The following KCNE2 variants were observed in gnomAD, a reference collection of about 807,000 sequenced individuals.
KCNE2 encodes potassium voltage-gated channel subfamily E member 2.
KCNE2 carries 4 observed loss-of-function variants against 4.5 expected under a neutral mutation model. The ratio of observed to expected loss-of-function variants is 0.89; its 90% CI spans 0.44 to 2.03. The LOEUF (loss-of-function observed/expected upper bound fraction) is 2.03, where lower values mean the gene tolerates loss of function less well. KCNE2 is among the 30% of genes most tolerant of loss of function. The probability of loss-of-function intolerance (pLI) is 0.03; values close to 1 mark genes in which losing one functional copy is unlikely to be tolerated. For missense variants in KCNE2, 137 were observed against 151.4 expected, an observed-to-expected ratio of 0.90 and a Z score of 0.50; for synonymous variants, 57 against 55.9, an observed-to-expected ratio of 1.02 and a Z score of -0.09.
chr21:34,366,927 C>G (rs1393491882), intron 1 of KCNE2, among the ~76,000 whole-genome samples: 1 of 126,406 alleles, frequency 7.9e-6, no homozygotes, highest in Non-Finnish European at 1.5e-5. Flanking sequence ...TGCAGTAAGC[C>G]GAGATCGCGC....
chr21:34,364,397 C>T (rs1025676765), intron 1 of KCNE2, among the ~76,000 whole-genome samples: 1 of 152,136 alleles, frequency 6.6e-6, no homozygotes, highest in Admixed American at 6.6e-5. Flanking sequence ...ATTGTTTTCT[C>T]TTCTTGATAT....
chr21:34,371,160 G>C lies in KCNE2; in HGVS notation c.*310G>C, dbSNP rs41314707. Reference sequence around the variant, plus strand: ...TTTGAAGTAAAGTGTCTGGGCAGTGGCTGTGGGGATAGAAAGGAGAGATTT... The same window carrying C: ...TTTGAAGTAAAGTGTCTGGGCAGTGCCTGTGGGGATAGAAAGGAGAGATTT... On this transcript the variant is annotated 3_prime_UTR_variant, in exon 2 of 2. Transcript: ENST00000290310. The C allele has an allele frequency of 7.7e-6, 3 of 392,104 alleles. No individual in the cohort carries two copies. Among genetic ancestry groups the C allele is most frequent in the Non-Finnish European group, 1.5e-5 (3 of 204,214 alleles). 24.3% of individuals were successfully genotyped at this position (392,104 alleles called of 1,614,324 possible). A position where few individuals can be genotyped will look rare whatever the true frequency, so the allele number is the denominator to read the frequency against.
At chr21:34,368,235 T>C (rs1429879961) in intron 1 of KCNE2, among the ~76,000 whole-genome samples, 55 of 57,568 alleles carry the variant, frequency 9.6e-4, no homozygotes, top group African/African-American at 2.7e-3. Context: ...ACACAATATA[T>C]ATATATATAT....
intron 1 of KCNE2, among the ~76,000 whole-genome samples, chr21:34,365,953 T>C (rs758555960): frequency 1.3e-5 from 2 of 152,256 alleles, no homozygotes; most frequent in East Asian, 1.9e-4. Flanking sequence ...TCCTGTTTAT[T>C]TGGCCTGGCC....
intron 1 of KCNE2, among the ~76,000 whole-genome samples, chr21:34,366,795 T>G (rs59908480): frequency 6.6e-6 from 1 of 151,272 alleles, no homozygotes; most frequent in Non-Finnish European, 1.5e-5. Flanking sequence ...CTGGCTAACA[T>G]GGTGAAACCC....
chr21:34,370,953 C>A lies in KCNE2; in HGVS notation c.*103C>A. The stretch of plus-strand genomic sequence containing the variant: ...GTCTTTGCTTAGAAGAAAGTGAGTT[C>A]CTTGCTCTCTGTTGAGAATTTTCAT... On this transcript the variant is annotated 3_prime_UTR_variant, in exon 2 of 2. Transcript: ENST00000290310. 1.4e-6 allele frequency: 2 copies of A among 1,430,280 alleles called. No individual in the cohort carries two copies. Among genetic ancestry groups the A allele is most frequent in the South Asian group, 1.2e-5 (1 of 84,204 alleles). 88.6% of individuals were successfully genotyped at this position (1,430,280 alleles called of 1,614,324 possible).
intron 1 of KCNE2, among the ~76,000 whole-genome samples, chr21:34,365,622 G>A (rs34281709): frequency 0.33 from 50,348 of 152,066 alleles, 8,793 homozygotes; most frequent in African/African-American, 0.44. Context: ...GTGGTGTCTC[G>A]CTATGTTGTC....
intron 1 of KCNE2, among the ~76,000 whole-genome samples, chr21:34,365,277 G>A (rs1346505856): frequency 6.6e-6 from 1 of 152,174 alleles, no homozygotes; most frequent in Non-Finnish European, 1.5e-5. Flanking sequence ...TGATACACAT[G>A]AATTGCCCAT....
At chr21:34,365,685 G>A (rs1267018430) in intron 1 of KCNE2, among the ~76,000 whole-genome samples, 7 of 152,216 alleles carry the variant, frequency 4.6e-5, no homozygotes, top group Admixed American at 6.5e-5. Flanking sequence ...TCGGCCTCCC[G>A]AAGTGCTGGG....
chr21:34,370,388 C>T, intron 1 of KCNE2, 79 bp from the exon 2 acceptor site: 3 of 1,563,138 alleles, frequency 1.9e-6, no homozygotes, highest in Non-Finnish European at 2.6e-6. Context: ...TGGCATCTCC[C>T]TCCCACCTTT....
Position 34,370,708 on chromosome 21 carries a change from G to T in KCNE2, c.230G>T (p.Arg77Leu). The part of the protein sequence containing the change: ...ILVSTVKSKR[R>L]EHSNDPYHQY... ...GTGAGCACTGTGAAATCCAAGAGACGGGAACACTCCAATGACCCCTACCAC... is the reference window on the plus strand; with the variant it reads ...GTGAGCACTGTGAAATCCAAGAGACTGGAACACTCCAATGACCCCTACCAC... Residue 77 changes from arginine (R) to leucine (L), a missense_variant, in exon 2 of 2, where the codon CGG becomes CTG. By Grantham distance (102) the Arg-to-Leu change is moderately radical (BLOSUM62 -2). Coordinates refer to ENST00000290310, the MANE Select transcript of KCNE2 (RefSeq NM_172201.2). 1 of 1,614,138 alleles carries T rather than the reference G, an allele frequency of 6.2e-7. No individual in the cohort carries two copies. Among genetic ancestry groups the T allele is most frequent in the Non-Finnish European group, 8.5e-7 (1 of 1,180,036 alleles).
chr21:34,366,974 CAAAAAAAAAAA>C (rs747133749), intron 1 of KCNE2, among the ~76,000 whole-genome samples: 1 of 14,824 alleles, frequency 6.7e-5, no homozygotes, highest in Non-Finnish European at 1.3e-4. Flanking sequence ...GACTCCATCT[CAAAAAAAAAAA>C]AAAAAAAAAA....
chr21:34,370,135 A>G (rs1014814135), intron 1 of KCNE2, among the ~76,000 whole-genome samples: 1 of 152,388 alleles, frequency 6.6e-6, no homozygotes, highest in Non-Finnish European at 1.5e-5. Flanking sequence ...ACCCACTGTT[A>G]ACATTCTGAT....
chr21:34,366,974 C>CAAAAAA (rs747133749), intron 1 of KCNE2, among the ~76,000 whole-genome samples: 16 of 14,822 alleles, frequency 1.1e-3, no homozygotes, highest in Non-Finnish European at 1.7e-3. Context: ...GACTCCATCT[C>CAAAAAA]AAAAAAAAAA....
At chr21:34,366,433 G>T (rs1979295527) in intron 1 of KCNE2, among the ~76,000 whole-genome samples, 1 of 130,782 alleles carries the variant, frequency 7.6e-6, no homozygotes, top group Admixed American at 8.9e-5. Flanking sequence ...GTTTCCAGTT[G>T]AATTCCACAG....
intron 1 of KCNE2, among the ~76,000 whole-genome samples, chr21:34,368,229 A>ACACTATATCTATATCTATATCT (rs781775671): frequency 1.2e-5 from 1 of 84,810 alleles, no homozygotes; most frequent in African/African-American, 6.0e-5. Context: ...ACACACACAC[A>ACACTATATCTATATCTATATCT]ATATATATAT....
intron 1 of KCNE2, among the ~76,000 whole-genome samples, chr21:34,365,005 A>G (rs1383091317): frequency 6.6e-6 from 1 of 152,210 alleles, no homozygotes; most frequent in Non-Finnish European, 1.5e-5. Flanking sequence ...AACTGGTCAC[A>G]GCAATGAAAA....
At chr21:34,367,859 C>T (rs1057498714) in intron 1 of KCNE2, among the ~76,000 whole-genome samples, 4 of 152,086 alleles carry the variant, frequency 2.6e-5, no homozygotes, top group Admixed American at 2.6e-4. Flanking sequence ...AGGTTTACCT[C>T]CTGCCTGTGC....
At chr21:34,369,233 T>C (rs1482794327) in intron 1 of KCNE2, among the ~76,000 whole-genome samples, 2 of 152,058 alleles carry the variant, frequency 1.3e-5, no homozygotes, top group Admixed American at 1.3e-4. Context: ...AGCAAACAAA[T>C]TGCACTATAA....
Sources: allele counts gnomAD v4.1 joint callset (sites outside exome capture counted in the v4.1 genomes callset), GRCh38; gene constraint gnomAD v4.1.1; transcripts MANE v1.5; gene names NCBI Gene and HGNC (gene_info 2026-07-23, HGNC 2026-07-21).